Variants in CYB5R2 observed in about 807,000 individuals in gnomAD.
CYB5R2 encodes the protein NADH-cytochrome b5 reductase 2.
CYB5R2 carries 35 observed loss-of-function variants against 29.8 expected under a neutral mutation model. The observed-to-expected ratio is 1.17, with a 90% CI of 0.90 to 1.56. The LOEUF is 1.56. Ranked by LOEUF, CYB5R2 falls within the 40% of genes most tolerant of loss-of-function variation. The pLI is 0.00. For synonymous variants in CYB5R2, 169 were observed against 130.6 expected, an observed-to-expected ratio of 1.29 and a Z score of -2.01; for missense variants, 419 against 346.7, an observed-to-expected ratio of 1.21 and a Z score of -1.66.
At position 7,669,689 on chromosome 11, in the gene CYB5R2, A is replaced by C; in HGVS notation, c.194T>G (p.Val65Gly). Residue 65 changes from valine (V) to glycine (G), a missense_variant, in exon 4 of 9, where the codon GTG becomes GGG. By Grantham distance (109) the Val-to-Gly change is moderately radical. Transcript: ENST00000299498. ...QLLAKIDNEL[V>G]VRAYTPVSSD... Reference sequence around the variant, plus strand: ...GGAGACAGGGGTGTAAGCCCTGACCACCAATTCATTATCGATTTTTGCCAA... The same window carrying C: ...GGAGACAGGGGTGTAAGCCCTGACCCCCAATTCATTATCGATTTTTGCCAA... 6.2e-7 allele frequency: 1 copy of C among 1,614,086 alleles called. No individual in the cohort carries two copies.
rs1276920123 is a variant in CYB5R2 at position 7,665,417 on chromosome 11, A to C, written c.788T>G (p.Leu263Arg). Residue 263 changes from leucine (L) to arginine (R), a missense_variant, in exon 9 of 9, where the codon CTG becomes CGG. Coordinates refer to ENST00000299498, the MANE Select transcript of CYB5R2 (RefSeq NM_016229.5). ...PLIQTAAHPN[L>R]EKLGYTQDMI... ...GTCCTGGGTATAACCCAGCTTCTCC[A>C]GGTTAGGGTGAGCCGCCGTCTGGAT... 6.2e-7 allele frequency: 1 copy of C among 1,608,306 alleles called. No homozygotes were observed. The highest frequency in any genetic ancestry group is 8.5e-7 in the Non-Finnish European group (1 of 1,177,866).
At chr11:7,665,864 C>T (rs538564109) in intron 8 of CYB5R2, 83 of 1,535,864 alleles carry the variant, frequency 5.4e-5, no homozygotes, top group South Asian at 2.6e-4. Context: ...TGGAGTTGTC[C>T]GGCAGGGTGT....
intron 7 of CYB5R2, 53 bp from the exon 8 acceptor site, chr11:7,666,603 C>T (rs1855255659): frequency 1.5e-6 from 2 of 1,324,840 alleles, no homozygotes; most frequent in Non-Finnish European, 1.1e-6. Context: ...CTCTTGTTCC[C>T]TGGACTGACT....
upstream of CYB5R2, chr11:7,673,813 C>T (rs1467207460): frequency 4.0e-6 from 4 of 988,078 alleles, no homozygotes; most frequent in Non-Finnish European, 4.8e-6. Flanking sequence ...CCCGCAGCTC[C>T]GCCTGGCCGA....
intron 2 of CYB5R2, 22 bp downstream of exon 2, chr11:7,672,726 A>G: frequency 6.2e-7 from 1 of 1,613,968 alleles, no homozygotes; most frequent in Non-Finnish European, 8.5e-7. Flanking sequence ...ACTGCCTTCC[A>G]CCCACAGGGC....
In CYB5R2 at chr11:7,669,963, T is replaced by G. The variant is rs916584396; in HGVS notation, c.152-232A>C. ...CTTCACCTCTCTGGGTTTTGGTCTC[T>G]TCATCTGTAAAATGGGGGTGATATG... On this transcript the variant is annotated intron_variant, in intron 3 of 8. Coordinates refer to ENST00000299498, the MANE Select transcript of CYB5R2 (RefSeq NM_016229.5). 4.7e-5 allele frequency: 24 copies of G among 506,698 alleles called. No individual in the cohort carries two copies. In the African/African-American group the frequency reaches 4.8e-4, roughly 10 times the overall value. The allele number at this position is 506,698 out of a possible 1,614,324, so 31.4% of individuals were successfully genotyped here.
chr11:7,673,744 CGAACTGGGGTT>C, upstream of CYB5R2: 1 of 985,690 alleles, frequency 1.0e-6, no homozygotes, highest in Non-Finnish European at 1.2e-6. Flanking sequence ...AACACGTCGT[CGAACTGGGGTT>C]GGCCGGGGGC....
upstream of CYB5R2, chr11:7,673,771 C>G (rs1221141548): frequency 1.0e-6 from 1 of 987,264 alleles, no homozygotes; most frequent in Non-Finnish European, 1.2e-6. Flanking sequence ...GGGGCCGCTC[C>G]CCGCCGCGGG....
At chr11:7,667,201 A>G (rs1241937097) in intron 7 of CYB5R2, 1 of 152,248 alleles carries the variant, frequency 6.6e-6, no homozygotes, top group Non-Finnish European at 1.5e-5. Flanking sequence ...ATTCATCACC[A>G]TATTATTTAG....
intron 8 of CYB5R2, chr11:7,665,827 C>G: frequency 2.0e-6 from 3 of 1,533,270 alleles, no homozygotes; most frequent in Non-Finnish European, 2.6e-6. Flanking sequence ...CGAGGTATAC[C>G]GAGGTGTGTG....
intron 7 of CYB5R2, 81 bp downstream of exon 7, chr11:7,667,647 A>C: frequency 7.7e-7 from 1 of 1,305,174 alleles, no homozygotes; most frequent in Non-Finnish European, 1.1e-6. Context: ...GCATGAGCTC[A>C]GTCAATGCAG....
intron 5 of CYB5R2, chr11:7,668,798 GA>G: frequency 3.3e-6 from 2 of 598,004 alleles, no homozygotes; most frequent in Non-Finnish European, 5.9e-6. Context: ...CTGTTCTGAG[GA>G]AAAAGAGGGG....
chr11:7,669,934 G>C, intron 3 of CYB5R2: 1 of 561,002 alleles, frequency 1.8e-6, no homozygotes, highest in African/African-American at 1.9e-5. Context: ...CCCTAGGCAA[G>C]TCACTTCACC....
At chr11:7,673,851 C>T (rs1199168514), upstream of CYB5R2, 1 of 988,302 alleles carries the variant, frequency 1.0e-6, no homozygotes, top group Non-Finnish European at 1.2e-6. Context: ...CCCGGACACG[C>T]ACGCCCGGGA....
At chr11:7,666,586 G>A in intron 7 of CYB5R2, 36 bp from the exon 8 acceptor site, 3 of 1,500,894 alleles carry the variant, frequency 2.0e-6, no homozygotes, top group Non-Finnish European at 1.9e-6. Context: ...GCCCCTCCAG[G>A]GCCATCCTCT....
rs755288525 is a variant in CYB5R2 at position 7,666,510 on chromosome 11, A to G, written c.599T>C (p.Ile200Thr). Residue 200 changes from isoleucine to threonine, a missense_variant, in exon 8 of 9, where the codon ATT becomes ACT. Ile to Thr is a moderately conservative substitution (Grantham distance 89). Coordinates refer to ENST00000299498, the MANE Select transcript of CYB5R2 (RefSeq NM_016229.5). ...GAACTGGTCTGGGTGAGTCCTGGCA[A>G]TTTCTTCAAGCTCTTTTCTGACCAA... ...DILVRKELEE[I>T]ARTHPDQFNL... 5 of 1,613,474 alleles carry G rather than the reference A, an allele frequency of 3.1e-6. No individual in the cohort carries two copies. Among genetic ancestry groups the G allele is most frequent in the Non-Finnish European group, 2.5e-6 (3 of 1,179,590 alleles).
chr11:7,668,439 G>A, intron 6 of CYB5R2, 39 bp downstream of exon 6: 1 of 1,495,196 alleles, frequency 6.7e-7, no homozygotes. Context: ...ATGGGTCTCG[G>A]GGCTCACTCT....
At position 7,668,491 on chromosome 11, in the gene CYB5R2, A is replaced by T. The variant is rs61733058; in HGVS notation, c.459T>A (p.Ile153=). 1,825 of 1,613,920 alleles carry T rather than the reference A, an allele frequency of 1.1e-3. 22 individuals are homozygous for T. In the African/African-American group the frequency reaches 0.021, roughly 19 times the overall value. Residue 153 remains isoleucine (I), a synonymous_variant, in exon 6 of 9, where the codon ATT becomes ATA. Coordinates refer to ENST00000299498, the MANE Select transcript of CYB5R2 (RefSeq NM_016229.5). The part of the protein sequence containing the change: ...KKTLADHLGM[I]AGGTGITPML... Reference sequence around the variant, plus strand: ...GAAGCCTCTTACCTGTGCCCCCAGCAATCATTCCCAGGTGATCGGCCAGTG... The same window carrying T: ...GAAGCCTCTTACCTGTGCCCCCAGCTATCATTCCCAGGTGATCGGCCAGTG...
chr11:7,669,981 G>A (rs546340511), intron 3 of CYB5R2: 51 of 468,012 alleles, frequency 1.1e-4, no homozygotes, highest in Middle Eastern at 5.9e-4. Context: ...TAAAATGGGG[G>A]TGATATGTCT....
Sources: gnomAD v4.1 joint callset for allele counts on GRCh38, gnomAD v4.1.1 for gene constraint, MANE v1.5 for transcripts, NCBI Gene and HGNC (gene_info 2026-07-23, HGNC 2026-07-21) for gene names.